The following RANBP2 variants were observed in gnomAD, a reference collection of about 807,000 sequenced individuals.
RANBP2 encodes the protein RAN binding protein 2.
In RANBP2, 57 loss-of-function variants were observed where a neutral mutation model predicts 303.6. The observed-to-expected ratio is 0.19, with a 90% confidence interval of 0.15 to 0.23. The LOEUF (loss-of-function observed/expected upper bound fraction) is 0.23. Ranked by LOEUF, RANBP2 falls within the 10% of genes least tolerant of loss-of-function variation. The pLI is 1.00. For missense variants in RANBP2, 3,138 were observed against 3,780.8 expected (o/e 0.83, Z 4.46); for synonymous variants, 1,167 against 1,301.5 (o/e 0.90, Z 2.23).
At chr2:109,130,382 T>C in the RANBP2 span, among the ~76,000 whole-genome samples, 1 of 152,220 alleles carries the variant, frequency 6.6e-6, no homozygotes. Context: ...TGGCCGGACT[T>C]GTTACCCTGC....
At chr2:108,848,808 G>A in the RANBP2 span, among the ~76,000 whole-genome samples, 1 of 152,080 alleles carries the variant, frequency 6.6e-6, no homozygotes, top group African/African-American at 2.4e-5. Context: ...AAAGGGAATA[G>A]GAAGTCCAGA....
At chr2:108,818,170 G>T in the RANBP2 span, among the ~76,000 whole-genome samples, 1 of 152,044 alleles carries the variant, frequency 6.6e-6, no homozygotes, top group African/African-American at 2.4e-5. Context: ...GCCAGGCCTG[G>T]TGGCACGCGC....
the RANBP2 span, among the ~76,000 whole-genome samples, chr2:109,176,054 C>T: frequency 6.6e-6 from 1 of 152,200 alleles, no homozygotes; most frequent in South Asian, 2.1e-4. Flanking sequence ...CACTGGGGGC[C>T]TAGCTCCTTT....
the RANBP2 span, among the ~76,000 whole-genome samples, chr2:109,126,330 G>T: frequency 1.3e-5 from 2 of 152,202 alleles, no homozygotes; most frequent in Admixed American, 6.5e-5. Context: ...TGTCTGTCTT[G>T]GGTCGTGCAA....
At chr2:108,778,969 G>A (rs1425105092) in intron 25 of RANBP2, among the ~76,000 whole-genome samples, 2 of 152,072 alleles carry the variant, frequency 1.3e-5, no homozygotes, top group Non-Finnish European at 2.9e-5. Context: ...GGCTCAAGCA[G>A]TCCTGCCACC....
At chr2:108,952,532 G>T in the RANBP2 span, among the ~76,000 whole-genome samples, 1 of 152,136 alleles carries the variant, frequency 6.6e-6, no homozygotes, top group African/African-American at 2.4e-5. Flanking sequence ...TTTCATTTCA[G>T]ATATACTTTT....
the RANBP2 span, among the ~76,000 whole-genome samples, chr2:109,246,429 G>A: frequency 9.2e-5 from 14 of 152,244 alleles, no homozygotes; most frequent in African/African-American, 3.1e-4. Context: ...CCACCCTCAC[G>A]ATCCGGTCAC....
At chr2:109,495,552 A>T in the RANBP2 span, among the ~76,000 whole-genome samples, 1 of 128,932 alleles carries the variant, frequency 7.8e-6, no homozygotes, top group East Asian at 2.2e-4. Flanking sequence ...GCAGCGGTGC[A>T]ATCTTGGCCC....
the RANBP2 span, among the ~76,000 whole-genome samples, chr2:108,843,893 T>TC: frequency 7.0e-6 from 1 of 142,748 alleles, no homozygotes; most frequent in Non-Finnish European, 1.5e-5. Flanking sequence ...TTTCTTTTTT[T>TC]TTTTTTTTTT....
the RANBP2 span, among the ~76,000 whole-genome samples, chr2:109,679,978 T>C: frequency 2.4e-4 from 37 of 152,072 alleles, no homozygotes; most frequent in Non-Finnish European, 2.9e-4. Context: ...AAAAGTGTTG[T>C]ATGCTTCGTG....
chr2:108,956,015 C>T, the RANBP2 span, among the ~76,000 whole-genome samples: 1 of 151,960 alleles, frequency 6.6e-6, no homozygotes, highest in African/African-American at 2.4e-5. Context: ...GGCAACAGGG[C>T]AAGACTCTGT....
At chr2:108,963,100 C>T in the RANBP2 span, among the ~76,000 whole-genome samples, 8 of 152,184 alleles carry the variant, frequency 5.3e-5, no homozygotes, top group African/African-American at 1.9e-4. Flanking sequence ...TCCAGCCCTG[C>T]AGAGGCCGCA....
the RANBP2 span, among the ~76,000 whole-genome samples, chr2:109,666,355 T>C: frequency 6.6e-6 from 1 of 152,170 alleles, no homozygotes; most frequent in African/African-American, 2.4e-5. Context: ...TCTGAAGCAA[T>C]ATGTGTTCCT....
At chr2:109,069,229 G>A in the RANBP2 span, among the ~76,000 whole-genome samples, 1 of 152,136 alleles carries the variant, frequency 6.6e-6, no homozygotes, top group African/African-American at 2.4e-5. Flanking sequence ...TAAAAAGGGG[G>A]GCTTATAAAT....
chr2:108,744,206 C>A (rs1696332487), intron 7 of RANBP2, among the ~76,000 whole-genome samples: 1 of 152,122 alleles, frequency 6.6e-6, no homozygotes, highest in South Asian at 2.1e-4. Context: ...GAGTTTGAGA[C>A]CATCCTGACC....
chr2:109,766,662 G>A, the RANBP2 span, among the ~76,000 whole-genome samples: 1 of 148,688 alleles, frequency 6.7e-6, no homozygotes, highest in Non-Finnish European at 1.5e-5. Context: ...TGACACTTGA[G>A]CAACTTGAAC....
At chr2:109,289,056 G>C in the RANBP2 span, among the ~76,000 whole-genome samples, 1 of 152,172 alleles carries the variant, frequency 6.6e-6, no homozygotes, top group East Asian at 1.9e-4. Flanking sequence ...AACTGTTCCT[G>C]GAATAGGTGC....
At chr2:109,445,648 G>C in the RANBP2 span, among the ~76,000 whole-genome samples, 1 of 152,216 alleles carries the variant, frequency 6.6e-6, no homozygotes, top group East Asian at 1.9e-4. Flanking sequence ...CTAAATATAT[G>C]AGAGAAGGGA....
the RANBP2 span, among the ~76,000 whole-genome samples, chr2:109,539,322 A>G: frequency 2.0e-5 from 3 of 152,118 alleles, no homozygotes; most frequent in African/African-American, 4.8e-5. Context: ...TATTGAGTGC[A>G]CAGTTCTATG....
Sources: allele counts gnomAD v4.1 joint callset (sites outside exome capture counted in the v4.1 genomes callset), GRCh38; gene constraint gnomAD v4.1.1; transcripts MANE v1.5; gene names NCBI Gene and HGNC (gene_info 2026-07-23, HGNC 2026-07-21).